The following NCAPG2 variants were observed in gnomAD, a reference collection of about 807,000 sequenced individuals.
NCAPG2 encodes condensin-2 complex subunit G2.
In NCAPG2, 53 loss-of-function variants were observed where a neutral mutation model predicts 141.1. The observed-to-expected ratio is 0.38, with a 90% CI of 0.30 to 0.47. NCAPG2 has a LOEUF of 0.47. NCAPG2 is among the 20% of genes least tolerant of loss of function. NCAPG2 has a pLI of 0.99. For missense variants in NCAPG2, 1,087 were observed against 1,389.0 expected (o/e 0.78, Z 3.46); for synonymous variants, 499 against 490.7 (o/e 1.02, Z -0.22).
chr7:158,646,643 C>T, intron 24 of NCAPG2, 80 bp from the exon 25 acceptor site: 2 of 921,422 alleles, frequency 2.2e-6, no homozygotes, highest in Non-Finnish European at 3.3e-6. Context: ...GGGTTTTCTT[C>T]AACACCTAAG....
At chr7:158,642,659 T>C (rs1292095061) in intron 27 of NCAPG2, among the ~76,000 whole-genome samples, 2 of 152,090 alleles carry the variant, frequency 1.3e-5, no homozygotes, top group East Asian at 3.8e-4. Flanking sequence ...AAGTACATAT[T>C]AGAAAAGAAG....
chr7:158,652,586 T>C, intron 22 of NCAPG2, 106 bp from the exon 23 acceptor site: 2 of 936,020 alleles, frequency 2.1e-6, no homozygotes, highest in South Asian at 3.5e-5. Flanking sequence ...AAAAAAGAGA[T>C]TATTACACTT....
intron 13 of NCAPG2, chr7:158,668,360 T>A (rs199626389): frequency 2.4e-6 from 2 of 831,436 alleles, no homozygotes; most frequent in Non-Finnish European, 2.7e-6. Flanking sequence ...CCCTCCGCCC[T>A]CCTTACCCAC....
Position 158,658,204 on chromosome 7 carries a change from A to C in NCAPG2, c.2060+134T>G, listed in dbSNP as rs139391319. On this transcript the variant is annotated intron_variant, in intron 17 of 27. Transcript: ENST00000356309. ...CTGATATTTTCCCTACCACAGGGAG[A>C]GGGAAGGGCAGAAGGAAGAGGCCAC... The C allele has an allele frequency of 2.0e-3, 1,226 of 614,634 alleles. 8 individuals are homozygous for C. The highest frequency in any genetic ancestry group is 0.014 in the South Asian group (306 of 21,882). 38.1% of individuals were successfully genotyped at this position (614,634 alleles called of 1,614,324 possible). A position where few individuals can be genotyped will look rare whatever the true frequency, so the allele number is the denominator to read the frequency against.
rs1833703045 is a variant in NCAPG2 at position 158,671,804 on chromosome 7, TACC to T, written c.1327-141_1327-139del. On this transcript the variant is annotated intron_variant, in intron 12 of 27. Coordinates refer to ENST00000356309, the MANE Select transcript of NCAPG2 (RefSeq NM_017760.7). The stretch of plus-strand genomic sequence containing the variant: ...GTGAAATAAATATACCTATGGAAAA[TACC>T]ACTTTTTCTAGAACTATTTCATATA... 4 of 947,018 alleles carry T rather than the reference TACC, an allele frequency of 4.2e-6. No homozygotes were observed. In the East Asian group the frequency reaches 1.1e-4, roughly 25 times the overall value. The allele number at this position is 947,018 out of a possible 1,614,324, so 58.7% of individuals were successfully genotyped here.
Position 158,645,623 on chromosome 7 carries a change from C to CA in NCAPG2, c.3180-5dup, listed in dbSNP as rs761136561. 11 of 1,611,446 alleles carry CA rather than the reference C, an allele frequency of 6.8e-6. No individual in the cohort carries two copies. Among genetic ancestry groups the CA allele is most frequent in the Admixed American group, 1.7e-5 (1 of 59,944 alleles). On this transcript the variant is annotated splice_region_variant and splice_polypyrimidine_tract_variant and intron_variant, in intron 25 of 27. Transcript: ENST00000356309. ...CTTTAATTCATCCAAAAATGACCTG[C>CA]AAAAAAATCAACAAACATCAAAATT...
intron 13 of NCAPG2, among the ~76,000 whole-genome samples, chr7:158,667,524 CTTA>C (rs1833172793): frequency 4.7e-5 from 3 of 63,168 alleles, no homozygotes; most frequent in South Asian, 8.9e-4. Flanking sequence ...CTCCGCCCTC[CTTA>C]CCTACCCTGT....
intron 27 of NCAPG2, among the ~76,000 whole-genome samples, chr7:158,636,411 T>C (rs1411618544): frequency 6.6e-6 from 1 of 150,926 alleles, no homozygotes; most frequent in Non-Finnish European, 1.5e-5. Flanking sequence ...TCTTTTTTTT[T>C]TTTTTTTGAG....
At chr7:158,656,501 A>T (rs747714768) in intron 18 of NCAPG2, 51 bp downstream of exon 18, 14 of 1,607,508 alleles carry the variant, frequency 8.7e-6, no homozygotes, top group African/African-American at 1.3e-5. Context: ...AATTTCTAAT[A>T]CACAGTTATC....
intron 11 of NCAPG2, among the ~76,000 whole-genome samples, chr7:158,679,390 A>C (rs10949739): frequency 0.91 from 137,836 of 152,236 alleles, 62,462 homozygotes; most frequent in East Asian, 0.96. Flanking sequence ...CTCCTTGGAA[A>C]TAAATGCCGC....
intron 13 of NCAPG2, chr7:158,668,143 C>G (rs72505581): frequency 0.54 from 4,266 of 7,942 alleles, 1,743 homozygotes; most frequent in African/African-American, 0.82. Context: ...TACCTACCCT[C>G]TGGCCCTCCA....
At chr7:158,659,809 G>A (rs1445748393) in intron 16 of NCAPG2, among the ~76,000 whole-genome samples, 3 of 152,112 alleles carry the variant, frequency 2.0e-5, no homozygotes, top group Non-Finnish European at 4.4e-5. Flanking sequence ...TAACAATATG[G>A]GAAGAAAATG....
chr7:158,650,193 G>A (rs900658924), intron 24 of NCAPG2, among the ~76,000 whole-genome samples: 3 of 152,106 alleles, frequency 2.0e-5, no homozygotes, highest in African/African-American at 4.8e-5. Context: ...TTACAGGTGC[G>A]TGCCACCATG....
At chr7:158,677,490 G>A (rs1468195467) in intron 11 of NCAPG2, among the ~76,000 whole-genome samples, 30 of 49,236 alleles carry the variant, frequency 6.1e-4, no homozygotes, top group African/African-American at 2.6e-3. Flanking sequence ...TTAAGAAAAA[G>A]CAAATAGGAA....
intron 13 of NCAPG2, among the ~76,000 whole-genome samples, chr7:158,669,117 G>A (rs191046769): frequency 1.1e-3 from 174 of 152,164 alleles, no homozygotes; most frequent in Non-Finnish European, 2.1e-3. Flanking sequence ...TTTTTATGGC[G>A]GCATAGTATT....
intron 9 of NCAPG2, 53 bp downstream of exon 9, chr7:158,683,247 A>G: frequency 9.5e-6 from 13 of 1,362,862 alleles, no homozygotes; most frequent in Non-Finnish European, 1.3e-5. Context: ...ACAATTATCT[A>G]AAAACAAAAC....
intron 27 of NCAPG2, among the ~76,000 whole-genome samples, chr7:158,636,275 A>T (rs1338443453): frequency 6.6e-6 from 1 of 152,182 alleles, no homozygotes; most frequent in Non-Finnish European, 1.5e-5. Context: ...GCCTGAAACT[A>T]AGTATAAGTG....
chr7:158,645,695 G>T, intron 25 of NCAPG2, 76 bp from the exon 26 acceptor site: 2 of 1,353,604 alleles, frequency 1.5e-6, no homozygotes, highest in Non-Finnish European at 2.1e-6. Flanking sequence ...GTACAGCCAA[G>T]GTTCAACCAC....
intron 2 of NCAPG2, among the ~76,000 whole-genome samples, chr7:158,697,243 G>T (rs1005893524): frequency 6.6e-6 from 1 of 152,192 alleles, no homozygotes; most frequent in South Asian, 2.1e-4. Flanking sequence ...TGATGATCCT[G>T]ACTTGGTACA....
Sources: allele counts gnomAD v4.1 joint callset (sites outside exome capture counted in the v4.1 genomes callset), GRCh38; gene constraint gnomAD v4.1.1; transcripts MANE v1.5; gene names NCBI Gene and HGNC (gene_info 2026-07-23, HGNC 2026-07-21).